The following C6orf62 variants were observed in gnomAD, a reference collection of about 807,000 sequenced individuals.
C6orf62 encodes the protein chromosome 6 open reading frame 62.
A neutral mutation model predicts 26.8 loss-of-function variants in C6orf62; 16 were observed. That is an observed-to-expected ratio of 0.60 (90% CI 0.40 to 0.91). The LOEUF (loss-of-function observed/expected upper bound fraction) is 0.91. Ranked by LOEUF, C6orf62 falls within the 40% of genes least tolerant of loss-of-function variation. The probability of loss-of-function intolerance (pLI) is 0.00; values close to 1 mark genes in which losing one functional copy is unlikely to be tolerated. For synonymous variants in C6orf62, 112 were observed against 91.5 expected (o/e 1.22, Z -1.28); for missense variants, 192 against 271.4 (o/e 0.71, Z 2.06).
intron 3 of C6orf62, chr6:24,710,495 C>T: frequency 1.5e-6 from 1 of 687,632 alleles, no homozygotes; most frequent in Non-Finnish European, 1.8e-6. Context: ...AACTCCCGAC[C>T]TCAGGTGATC....
upstream of C6orf62, chr6:24,720,365 C>T: frequency 8.2e-7 from 1 of 1,226,462 alleles, no homozygotes; most frequent in Non-Finnish European, 1.0e-6. Flanking sequence ...TGAGCCCCTC[C>T]ATCCCCGCTG....
chr6:24,712,660 C>T (rs1249033488), intron 3 of C6orf62, among the ~76,000 whole-genome samples: 1 of 142,706 alleles, frequency 7.0e-6, no homozygotes, highest in African/African-American at 2.7e-5. Context: ...CTACTGCACT[C>T]CAATCTGGCA....
At chr6:24,716,369 CTT>C (rs1261570455) in intron 1 of C6orf62, 45 bp from the exon 2 acceptor site, 1 of 1,363,866 alleles carries the variant, frequency 7.3e-7, no homozygotes. Context: ...GGAGCACAGC[CTT>C]TTAACACTCA....
chr6:24,712,358 G>C lies in C6orf62; in HGVS notation c.429+1960C>G, dbSNP rs576012685. On this transcript the variant is annotated intron_variant, in intron 3 of 4. Transcript: ENST00000378119. ...GATCACGCCACCACACTCCAGCTTG[G>C]GCGACAGAGCAAGACCCTGTCTCAA... Among the ~76,000 whole-genome samples the C allele has an allele frequency of 7.9e-5, 12 of 151,700 alleles. 1 individual carries two copies. In the South Asian group the frequency reaches 2.1e-3, roughly 26 times the overall value.
chr6:24,720,528 A>C, upstream of C6orf62: 3 of 364,444 alleles, frequency 8.2e-6, no homozygotes, highest in South Asian at 1.0e-4. Context: ...AGGAAAAACA[A>C]AGAGAAAGAT....
At chr6:24,719,178 C>CACCAAA (rs142202740), upstream of C6orf62, 4,476 of 918,880 alleles carry the variant, frequency 4.9e-3, 15 homozygotes, top group Non-Finnish European at 5.5e-3. Flanking sequence ...AAAAAAAACT[C>CACCAAA]ACCAAAACCA....
upstream of C6orf62, chr6:24,719,832 C>G: frequency 6.5e-7 from 1 of 1,549,434 alleles, no homozygotes; most frequent in Non-Finnish European, 8.7e-7. Flanking sequence ...CCCACCCCCA[C>G]CCCTTGCCTT....
chr6:24,713,386 A>G lies in C6orf62; in HGVS notation c.429+932T>C, dbSNP rs1779159363. Among the ~76,000 whole-genome samples, 4 of 152,230 alleles carry G rather than the reference A, an allele frequency of 2.6e-5. No individual in the cohort carries two copies. The South Asian group carries it at 8.3e-4, about 31-fold the overall frequency. ...TAATTATTAGAGCTTATGTGTAGCA[A>G]CATTACCATGGGGCGGGAGAGTATA... On this transcript the variant is annotated intron_variant, in intron 3 of 4. Coordinates refer to ENST00000378119, the MANE Select transcript of C6orf62 (RefSeq NM_030939.5).
At chr6:24,717,459 A>G (rs917533999) in intron 1 of C6orf62, among the ~76,000 whole-genome samples, 3 of 152,260 alleles carry the variant, frequency 2.0e-5, no homozygotes, top group Non-Finnish European at 4.4e-5. Flanking sequence ...GCTATACTTC[A>G]GCAGCTAAGA....
chr6:24,709,971 T>C, intron 3 of C6orf62: 3 of 985,308 alleles, frequency 3.0e-6, no homozygotes, highest in Non-Finnish European at 3.6e-6. Flanking sequence ...CTATGTAGCA[T>C]TTTATACCTA....
intron 3 of C6orf62, chr6:24,709,800 CAGGCTTG>C: frequency 1.0e-6 from 1 of 985,404 alleles, no homozygotes; most frequent in Non-Finnish European, 1.2e-6. Context: ...ATGACATGAC[CAGGCTTG>C]ATGGAGAATT....
At chr6:24,720,146 T>A, upstream of C6orf62, 2 of 1,371,468 alleles carry the variant, frequency 1.5e-6, no homozygotes, top group Non-Finnish European at 1.9e-6. Flanking sequence ...GGGGTGGAAT[T>A]GAGGCAGCTA....
intron 3 of C6orf62, chr6:24,709,399 A>C: frequency 1.0e-6 from 1 of 983,300 alleles, no homozygotes; most frequent in African/African-American, 1.8e-5. Flanking sequence ...TCACATTGTT[A>C]ATTGCTGTTT....
In C6orf62 at chr6:24,708,001, C is replaced by T. The variant is rs1264085293; in HGVS notation, c.564+776G>A. Among the ~76,000 whole-genome samples the T allele has an allele frequency of 3.3e-5, 5 of 151,640 alleles. 1 individual carries two copies. The highest frequency in any genetic ancestry group is 3.3e-4 in the Admixed American group (5 of 15,244). On this transcript the variant is annotated intron_variant, in intron 4 of 4. Transcript: ENST00000378119. ...ACTCCAGCCTGGGCGACAGAGACTC[C>T]CTCTCAAGAAAAAAAAAAACGTCCA...
upstream of C6orf62, chr6:24,719,878 A>AG (rs1338754021): frequency 6.6e-7 from 1 of 1,506,810 alleles, no homozygotes. Context: ...CGGGAGACAC[A>AG]GGATCACTCA....
At chr6:24,719,821 TCCCACC>T (rs1779318310), upstream of C6orf62, 2 of 829,354 alleles carry the variant, frequency 2.4e-6, no homozygotes, top group Non-Finnish European at 3.7e-6. Flanking sequence ...CCCCCGCAGG[TCCCACC>T]CCCACCCCTT....
intron 3 of C6orf62, among the ~76,000 whole-genome samples, chr6:24,713,955 C>T (rs889160063): frequency 5.3e-5 from 8 of 152,166 alleles, no homozygotes; most frequent in African/African-American, 1.7e-4. Flanking sequence ...TTTCAGATCA[C>T]ATTCCTTTGG....
intron 2 of C6orf62, among the ~76,000 whole-genome samples, chr6:24,715,604 T>C (rs2127635464): frequency 6.6e-6 from 1 of 152,220 alleles, no homozygotes; most frequent in South Asian, 2.1e-4. Context: ...CTCAGCACTT[T>C]GGGAGGCCAA....
At position 24,719,038 on chromosome 6, in the gene C6orf62, A is replaced by G. The variant is rs2127637158; in HGVS notation, c.-370T>C. The G allele has an allele frequency of 9.3e-7, 1 of 1,073,496 alleles. No homozygotes were observed. Among genetic ancestry groups the G allele is most frequent in the Non-Finnish European group, 1.1e-6 (1 of 884,318 alleles). 66.5% of individuals were successfully genotyped at this position (1,073,496 alleles called of 1,614,324 possible). On this transcript the variant is annotated 5_prime_UTR_variant, in exon 1 of 5. An upstream open reading frame in the 5' UTR loses its in-frame stop. Transcript: ENST00000378119. ...AATGAAAAGCCTATAATCAGGATTTAGGTGTGCAATAAAACACAGCTGACA... is the reference window on the plus strand; with the variant it reads ...AATGAAAAGCCTATAATCAGGATTTGGGTGTGCAATAAAACACAGCTGACA...
Sources: gnomAD v4.1 joint callset for allele counts (sites outside exome capture counted in the v4.1 genomes callset) on GRCh38, gnomAD v4.1.1 for gene constraint, MANE v1.5 for transcripts, NCBI Gene and HGNC (gene_info 2026-07-23, HGNC 2026-07-21) for gene names.